CYP19A1: variants seen among roughly 807,000 people sequenced by gnomAD.
CYP19A1 encodes cytochrome P450 family 19 subfamily A member 1.
A neutral mutation model predicts 44.4 loss-of-function variants in CYP19A1; 32 were observed. That is an observed-to-expected ratio of 0.72 (90% confidence interval 0.54 to 0.97). The LOEUF is 0.97. CYP19A1 is among the 50% of genes least tolerant of loss of function. CYP19A1 has a pLI of 0.00. For synonymous variants in CYP19A1, 212 were observed against 215.6 expected, an observed-to-expected ratio of 0.98 and a Z score of 0.14; for missense variants, 598 against 637.8, an observed-to-expected ratio of 0.94 and a Z score of 0.67.
rs536837135 is a variant in CYP19A1 at position 51,265,257 on chromosome 15, TC to T, written c.-38-22308del. Among the ~76,000 whole-genome samples the T allele has an allele frequency of 4.8e-4, 73 of 152,356 alleles. 2 individuals are homozygous for T. In the South Asian group the frequency reaches 0.015, roughly 31 times the overall value. ...GCAGGTCAGACAGCGTTCCATGTCC[TC>T]CCTTCCCTCTGAGATGTTGACCTGT... On this transcript the variant is annotated intron_variant, in intron 1 of 9. Transcript: ENST00000396402.
intron 1 of CYP19A1, among the ~76,000 whole-genome samples, chr15:51,257,590 C>A (rs80073418): frequency 6.6e-6 from 1 of 152,202 alleles, no homozygotes; most frequent in African/African-American, 2.4e-5. Flanking sequence ...CATGTCATGG[C>A]GTAAGGAATC....
chr15:51,321,773 G>A (rs2036531978), intron 1 of CYP19A1: 1 of 152,170 alleles, frequency 6.6e-6, no homozygotes, highest in Admixed American at 6.6e-5. Flanking sequence ...CAGAGCAGAT[G>A]GACAGCACTA....
chr15:51,240,696 G>A (rs1445291437), intron 2 of CYP19A1, among the ~76,000 whole-genome samples: 1 of 152,154 alleles, frequency 6.6e-6, no homozygotes, highest in Non-Finnish European at 1.5e-5. Context: ...TTTTCAAAAG[G>A]AAAGTGTGAA....
intron 1 of CYP19A1, chr15:51,315,936 A>G (rs2036417949): frequency 6.6e-6 from 1 of 152,316 alleles, no homozygotes; most frequent in Admixed American, 6.5e-5. Context: ...GCTCTCACGC[A>G]GGGTTAGGAG....
intron 1 of CYP19A1, among the ~76,000 whole-genome samples, chr15:51,294,809 G>A (rs1196201313): frequency 2.6e-5 from 4 of 151,980 alleles, no homozygotes; most frequent in Non-Finnish European, 4.4e-5. Flanking sequence ...CCACCACCCC[G>A]TCTGGGAGGT....
At chr15:51,289,018 G>A (rs1595760678) in intron 1 of CYP19A1, among the ~76,000 whole-genome samples, 4 of 152,316 alleles carry the variant, frequency 2.6e-5, no homozygotes, top group East Asian at 1.9e-4. Flanking sequence ...AACTAAGTGC[G>A]GGGTGTGGGG....
At chr15:51,319,314 G>A (rs117214311) in intron 1 of CYP19A1, among the ~76,000 whole-genome samples, 1 of 152,304 alleles carries the variant, frequency 6.6e-6, no homozygotes, top group East Asian at 1.9e-4. Flanking sequence ...TATACGCACT[G>A]TAATCAACAT....
chr15:51,291,590 C>G (rs1327047116), intron 1 of CYP19A1, among the ~76,000 whole-genome samples: 2 of 152,182 alleles, frequency 1.3e-5, no homozygotes, highest in Non-Finnish European at 2.9e-5. Flanking sequence ...GATAATTTCT[C>G]TAAAGAAGCC....
Position 51,210,803 on chromosome 15 carries a change from C to T in CYP19A1, c.*5G>A. ...TGCTCCAGAGTGGGTACTGACCAGC[C>T]TTCTCTAGTGTTCCAGACACCTGTC... On this transcript the variant is annotated 3_prime_UTR_variant, in exon 10 of 10. Coordinates refer to ENST00000396402, the MANE Select transcript of CYP19A1 (RefSeq NM_000103.4). The T allele has an allele frequency of 6.4e-7, 1 of 1,565,790 alleles. No individual in the cohort carries two copies. Among genetic ancestry groups the T allele is most frequent in the South Asian group, 1.1e-5 (1 of 90,214 alleles).
At chr15:51,326,704 A>T (rs2036613464) in intron 1 of CYP19A1, among the ~76,000 whole-genome samples, 1 of 152,200 alleles carries the variant, frequency 6.6e-6, no homozygotes, top group African/African-American at 2.4e-5. Context: ...TAGAATTTTG[A>T]ACCTGGAAGA....
rs16964221 is a variant in CYP19A1, at chr15:51,252,934, C to A, written c.-38-9984G>T. Among the ~76,000 whole-genome samples, 74 of 152,072 alleles carry A rather than the reference C, an allele frequency of 4.9e-4. No individual in the cohort carries two copies. In the East Asian group the frequency reaches 0.011, roughly 23 times the overall value. On this transcript the variant is annotated intron_variant, in intron 1 of 9. Coordinates refer to ENST00000396402, the MANE Select transcript of CYP19A1 (RefSeq NM_000103.4). ...AAAGTGACTACCCTAGGAAGGTCAC[C>A]TATGGCTTTATGAGTAGGTCTTGAA...
chr15:51,208,224 G>A lies in CYP19A1; in HGVS notation c.*2584C>T, dbSNP rs759369528. 8 of 152,150 alleles carry A rather than the reference G, an allele frequency of 5.3e-5. No homozygotes were observed. The highest frequency in any genetic ancestry group is 2.1e-4 in the South Asian group (1 of 4,828). The allele number at this position is 152,150 out of a possible 1,614,324, so 9.4% of individuals were successfully genotyped here. On this transcript the variant is annotated 3_prime_UTR_variant, in exon 10 of 10. Coordinates refer to ENST00000396402, the MANE Select transcript of CYP19A1 (RefSeq NM_000103.4). Reference sequence around the variant, plus strand: ...CATGAACAGTGAAAGGTGCTGCTTAGGAATAAAAAGTGGCAATTTCCAAAT... The same window carrying A: ...CATGAACAGTGAAAGGTGCTGCTTAAGAATAAAAAGTGGCAATTTCCAAAT...
rs2036555985 is a variant in CYP19A1, at chr15:51,323,285, T to G, written c.-39+15210A>C. Among the ~76,000 whole-genome samples, 5 of 152,308 alleles carry G rather than the reference T, an allele frequency of 3.3e-5. No homozygotes were observed. In the South Asian group the frequency reaches 1.0e-3, roughly 32 times the overall value. ...TGAGAAGCTCCTTCTTATAGGAAGCTGCTCTCAGGTAGGGAGTAGCCACAC... is the reference window on the plus strand; with the variant it reads ...TGAGAAGCTCCTTCTTATAGGAAGCGGCTCTCAGGTAGGGAGTAGCCACAC... On this transcript the variant is annotated intron_variant, in intron 1 of 9. Coordinates refer to ENST00000396402, the MANE Select transcript of CYP19A1 (RefSeq NM_000103.4).
intron 3 of CYP19A1, among the ~76,000 whole-genome samples, chr15:51,235,756 T>G (rs1007059083): frequency 6.6e-6 from 1 of 152,222 alleles, no homozygotes; most frequent in African/African-American, 2.4e-5. Flanking sequence ...TTATGTAGTT[T>G]AGAAAAGCTT....
Position 51,208,921 on chromosome 15 carries a change from G to A in CYP19A1, c.*1887C>T, listed in dbSNP as rs887784832. ...TACACATAAATGTCCCAAGAGTATT[G>A]GATGGGTGAAGTACATGGATCCAAA... On this transcript the variant is annotated 3_prime_UTR_variant, in exon 10 of 10. Coordinates refer to ENST00000396402, the MANE Select transcript of CYP19A1 (RefSeq NM_000103.4). The A allele has an allele frequency of 3.3e-5, 5 of 152,112 alleles. No individual in the cohort carries two copies. The highest frequency in any genetic ancestry group is 1.3e-4 in the Admixed American group (2 of 15,282). The allele number at this position is 152,112 out of a possible 1,614,324, so 9.4% of individuals were successfully genotyped here.
At chr15:51,307,516 T>A (rs2036236925) in intron 1 of CYP19A1, among the ~76,000 whole-genome samples, 1 of 152,218 alleles carries the variant, frequency 6.6e-6, no homozygotes, top group South Asian at 2.1e-4. Flanking sequence ...AAATTAGTCA[T>A]GTCTGGCACA....
At chr15:51,277,025 G>C (rs28662211) in intron 1 of CYP19A1, 1 of 151,428 alleles carries the variant, frequency 6.6e-6, no homozygotes, top group East Asian at 1.9e-4. Flanking sequence ...CAAAAAAAAA[G>C]AGAGAGAGAG....
chr15:51,273,876 A>G (rs561730439), intron 1 of CYP19A1, among the ~76,000 whole-genome samples: 3 of 152,206 alleles, frequency 2.0e-5, no homozygotes, highest in East Asian at 3.9e-4. Flanking sequence ...GCATGGTGGC[A>G]GGCGCCTGTA....
chr15:51,282,849 T>C (rs1459472520), intron 1 of CYP19A1, among the ~76,000 whole-genome samples: 1 of 152,194 alleles, frequency 6.6e-6, no homozygotes, highest in Non-Finnish European at 1.5e-5. Context: ...CAGGACAAAG[T>C]GAAAGCAAAT....
Sources: gnomAD v4.1 joint callset for allele counts (sites outside exome capture counted in the v4.1 genomes callset) on GRCh38, gnomAD v4.1.1 for gene constraint, MANE v1.5 for transcripts, NCBI Gene and HGNC (gene_info 2026-07-23, HGNC 2026-07-21) for gene names.